The following ADCY2 variants were observed in gnomAD, a reference collection of about 807,000 sequenced individuals.
The protein encoded by ADCY2 is adenylate cyclase 2.
In ADCY2, 31 loss-of-function variants were observed where a neutral mutation model predicts 125.2. The ratio of observed to expected loss-of-function variants is 0.25; its 90% confidence interval spans 0.19 to 0.33. ADCY2 has a LOEUF of 0.33. Among genes scored for constraint, ADCY2 ranks in the 10% least tolerant of loss-of-function variants. ADCY2 has a pLI of 1.00. For missense variants in ADCY2, 904 were observed against 1,418.2 expected, an observed-to-expected ratio of 0.64 and a Z score of 5.82; for synonymous variants, 512 against 548.4, an observed-to-expected ratio of 0.93 and a Z score of 0.93.
intron 4 of ADCY2, among the ~76,000 whole-genome samples, chr5:7,641,132 C>A (rs7726187): frequency 6.6e-5 from 10 of 151,966 alleles, no homozygotes; most frequent in Non-Finnish European, 1.3e-4. Context: ...AGTCACAACC[C>A]CTCTTTCAAG....
chr5:7,675,176 GA>G (rs1428165666), intron 4 of ADCY2, among the ~76,000 whole-genome samples: 4 of 105,158 alleles, frequency 3.8e-5, no homozygotes, highest in South Asian at 2.9e-4. Context: ...AAAAAAGAAA[GA>G]AAAAAAGAAA....
rs144335557 is a variant in ADCY2 at position 7,694,991 on chromosome 5, A to C, written c.870-761A>C. On this transcript the variant is annotated intron_variant, in intron 5 of 24. Coordinates refer to ENST00000338316, the MANE Select transcript of ADCY2 (RefSeq NM_020546.3). ...TGTGAAATAGTAGTTGTTTTGTTCC[A>C]TGGGACATCTTAAGGCATACATATT... 4.4e-3 allele frequency among the ~76,000 whole-genome samples: 664 copies of C among 152,338 alleles called. 5 individuals are homozygous for C. Among genetic ancestry groups the C allele is most frequent in the African/African-American group, 0.015 (621 of 41,578 alleles).
chr5:7,760,365 A>G (rs1743155125), intron 16 of ADCY2, among the ~76,000 whole-genome samples: 2 of 152,350 alleles, frequency 1.3e-5, no homozygotes, highest in Admixed American at 1.3e-4. Context: ...CTCCGTAGCC[A>G]AGGGGCTGAG....
chr5:7,573,360 G>A (rs1300755902), intron 3 of ADCY2, among the ~76,000 whole-genome samples: 1 of 152,134 alleles, frequency 6.6e-6, no homozygotes, highest in African/African-American at 2.4e-5. Flanking sequence ...CATGAAGTGT[G>A]AGCGAAGGAT....
chr5:7,656,319 G>A (rs1739325104), intron 4 of ADCY2, among the ~76,000 whole-genome samples: 1 of 152,200 alleles, frequency 6.6e-6, no homozygotes, highest in African/African-American at 2.4e-5. Flanking sequence ...CTTCCGAAGT[G>A]CTGGGGTTAC....
At chr5:7,612,628 C>T (rs1233561770) in intron 3 of ADCY2, among the ~76,000 whole-genome samples, 4 of 152,072 alleles carry the variant, frequency 2.6e-5, no homozygotes, top group Admixed American at 1.3e-4. Flanking sequence ...TTGGCTGCTC[C>T]GGGAGGGGGT....
chr5:7,644,111 C>T (rs72710478), intron 4 of ADCY2, among the ~76,000 whole-genome samples: 1 of 152,174 alleles, frequency 6.6e-6, no homozygotes, highest in African/African-American at 2.4e-5. Flanking sequence ...TGTCTTCATT[C>T]TTGATTCCTT....
intron 4 of ADCY2, among the ~76,000 whole-genome samples, chr5:7,633,740 T>C (rs1168767902): frequency 6.6e-6 from 1 of 152,172 alleles, no homozygotes; most frequent in Non-Finnish European, 1.5e-5. Flanking sequence ...CAGATTTTTG[T>C]TGATAATAAG....
intron 14 of ADCY2, among the ~76,000 whole-genome samples, chr5:7,743,252 A>G (rs900088291): frequency 6.6e-6 from 1 of 151,986 alleles, no homozygotes; most frequent in Non-Finnish European, 1.5e-5. Flanking sequence ...AACAGGAACA[A>G]GGGTGGAACT....
intron 3 of ADCY2, among the ~76,000 whole-genome samples, chr5:7,599,785 G>A (rs890077923): frequency 2.0e-5 from 3 of 152,158 alleles, no homozygotes; most frequent in Admixed American, 1.3e-4. Context: ...ATCTCAAAGT[G>A]CAGTATGGAA....
chr5:7,703,979 G>A (rs562943685), intron 7 of ADCY2, among the ~76,000 whole-genome samples: 2 of 147,366 alleles, frequency 1.4e-5, no homozygotes, highest in African/African-American at 2.6e-5. Flanking sequence ...TTCAGCCTGG[G>A]CAACAGAGCA....
At chr5:7,460,528 T>C (rs1215243557) in intron 2 of ADCY2, among the ~76,000 whole-genome samples, 1 of 152,234 alleles carries the variant, frequency 6.6e-6, no homozygotes, top group Non-Finnish European at 1.5e-5. Context: ...TCTTGAGTTA[T>C]GATCTTTGGA....
At chr5:7,431,953 G>A (rs757810521) in intron 2 of ADCY2, among the ~76,000 whole-genome samples, 56 of 152,170 alleles carry the variant, frequency 3.7e-4, no homozygotes, top group Middle Eastern at 3.4e-3. Flanking sequence ...TTTCTCGCTG[G>A]AGTGTTGCCT....
At chr5:7,586,728 T>C (rs1048283963) in intron 3 of ADCY2, among the ~76,000 whole-genome samples, 3 of 151,984 alleles carry the variant, frequency 2.0e-5, no homozygotes, top group African/African-American at 7.2e-5. Flanking sequence ...TGCAGCTGGG[T>C]GGCGGTGTAA....
chr5:7,823,598 G>T (rs1745371002), intron 24 of ADCY2, among the ~76,000 whole-genome samples: 1 of 152,162 alleles, frequency 6.6e-6, no homozygotes. Context: ...ATCTTGGCAG[G>T]GAAGAGAGGC....
At chr5:7,546,912 A>G (rs905475905) in intron 3 of ADCY2, among the ~76,000 whole-genome samples, 2 of 152,192 alleles carry the variant, frequency 1.3e-5, no homozygotes, top group Admixed American at 6.5e-5. Flanking sequence ...GGCCCAGGCA[A>G]GTCCCCATGT....
At chr5:7,777,416 A>G (rs531409824) in intron 18 of ADCY2, among the ~76,000 whole-genome samples, 2 of 152,342 alleles carry the variant, frequency 1.3e-5, no homozygotes, top group African/African-American at 4.8e-5. Flanking sequence ...GAACAAAAGC[A>G]TGTCATGCTC....
intron 5 of ADCY2, among the ~76,000 whole-genome samples, chr5:7,694,736 A>G (rs768739326): frequency 5.9e-5 from 9 of 152,196 alleles, no homozygotes; most frequent in Non-Finnish European, 1.2e-4. Flanking sequence ...AGCTATGAAC[A>G]TTCATGTACA....
In ADCY2 at chr5:7,472,081, G is replaced by A. The variant is rs148320572; in HGVS notation, c.409-48657G>A. 8.9e-3 allele frequency among the ~76,000 whole-genome samples: 1,354 copies of A among 151,994 alleles called. 21 individuals are homozygous for A. Among genetic ancestry groups the A allele is most frequent in the African/African-American group, 0.031 (1,268 of 41,464 alleles). ...CTCTGAGCTTCTTGGTTGTATTTAC[G>A]GCTTGACATATTTCATTATCTGTAG... On this transcript the variant is annotated intron_variant, in intron 2 of 24. Coordinates refer to ENST00000338316, the MANE Select transcript of ADCY2 (RefSeq NM_020546.3).
Sources: allele counts gnomAD v4.1 joint callset (sites outside exome capture counted in the v4.1 genomes callset), GRCh38; gene constraint gnomAD v4.1.1; transcripts MANE v1.5; gene names NCBI Gene and HGNC (gene_info 2026-07-23, HGNC 2026-07-21).